The following NTN4 variants were observed in gnomAD, a reference collection of about 807,000 sequenced individuals.
NTN4 encodes netrin-4.
NTN4 carries 32 observed loss-of-function variants against 73.6 expected under a neutral mutation model. That is an observed-to-expected ratio of 0.44 (90% confidence interval 0.33 to 0.58). The LOEUF (loss-of-function observed/expected upper bound fraction) is 0.58, where lower values mean the gene tolerates loss of function less well. Among genes scored for constraint, NTN4 ranks in the 20% least tolerant of loss-of-function variants. NTN4 has a pLI of 0.04. For missense variants in NTN4, 654 were observed against 798.3 expected (o/e 0.82, Z 2.18); for synonymous variants, 258 against 287.5 (o/e 0.90, Z 1.04).
chr12:95,660,227 C>T (rs368700599), intron 9 of NTN4, among the ~76,000 whole-genome samples: 1 of 152,122 alleles, frequency 6.6e-6, no homozygotes, highest in East Asian at 1.9e-4. Flanking sequence ...GTTGGCCAGG[C>T]TGGTCTCGAA....
intron 2 of NTN4, among the ~76,000 whole-genome samples, chr12:95,743,534 C>T (rs756606443): frequency 2.2e-4 from 33 of 152,202 alleles, no homozygotes; most frequent in African/African-American, 4.3e-4. Flanking sequence ...AAGTTTGATA[C>T]GCTGTGTTTT....
intron 2 of NTN4, among the ~76,000 whole-genome samples, chr12:95,748,403 A>C (rs2078877959): frequency 1.3e-5 from 2 of 151,802 alleles, no homozygotes; most frequent in South Asian, 4.1e-4. Context: ...TTAGGGAGAA[A>C]TCCCTGGAAC....
rs369127250 is a variant in NTN4 at position 95,752,594 on chromosome 12, C to T, written c.586-14450G>A. Among the ~76,000 whole-genome samples, 9 of 152,176 alleles carry T rather than the reference C, an allele frequency of 5.9e-5. No homozygotes were observed. The East Asian group carries it at 1.2e-3, about 20-fold the overall frequency. On this transcript the variant is annotated intron_variant, in intron 2 of 9. Coordinates refer to ENST00000343702, the MANE Select transcript of NTN4 (RefSeq NM_021229.4). ...TTTCTTCCTCATCTGTTACCTATCT[C>T]GGCATAATTCTCATAAAAACACACG...
At chr12:95,729,787 T>C (rs942818606) in intron 3 of NTN4, among the ~76,000 whole-genome samples, 15 of 152,182 alleles carry the variant, frequency 9.9e-5, no homozygotes, top group Non-Finnish European at 4.4e-5. Context: ...AATTGAAGTA[T>C]GCTTCCAGCT....
At chr12:95,729,085 C>T (rs949382478) in intron 3 of NTN4, among the ~76,000 whole-genome samples, 1 of 152,088 alleles carries the variant, frequency 6.6e-6, no homozygotes, top group Admixed American at 6.6e-5. Flanking sequence ...TTATAAGTTA[C>T]CCAGTCTCAG....
At chr12:95,764,252 C>A (rs2079006178) in intron 2 of NTN4, among the ~76,000 whole-genome samples, 1 of 152,114 alleles carries the variant, frequency 6.6e-6, no homozygotes, top group South Asian at 2.1e-4. Flanking sequence ...ATTAAAATGG[C>A]CTTTGTGGAT....
At chr12:95,735,928 TA>T (rs1387024590) in intron 3 of NTN4, among the ~76,000 whole-genome samples, 2 of 145,072 alleles carry the variant, frequency 1.4e-5, no homozygotes, top group African/African-American at 2.6e-5. Flanking sequence ...TTTATTTATT[TA>T]TTTATTTATT....
intron 2 of NTN4, among the ~76,000 whole-genome samples, chr12:95,742,859 T>C (rs1169884902): frequency 1.3e-5 from 2 of 152,224 alleles, no homozygotes; most frequent in African/African-American, 4.8e-5. Flanking sequence ...GAATCAACTA[T>C]TTCTCCAAGT....
intron 5 of NTN4, among the ~76,000 whole-genome samples, chr12:95,691,439 A>T (rs765871688): frequency 1.3e-5 from 2 of 152,242 alleles, no homozygotes; most frequent in Non-Finnish European, 2.9e-5. Flanking sequence ...TCTGTTGCTC[A>T]GGCTAGAGTG....
At chr12:95,766,433 C>T (rs10859939) in intron 2 of NTN4, among the ~76,000 whole-genome samples, 83,897 of 152,128 alleles carry the variant, frequency 0.55, 23,357 homozygotes, top group Middle Eastern at 0.61. Flanking sequence ...TCAGCCTTTG[C>T]GGAAACATTT....
rs180702233 is a variant in NTN4 at position 95,790,639 on chromosome 12, C to T, written c.-330G>A. ...TCTGCCGCTAGCCCGGGGCTCGGCGCCCGCAGCCGCCGCTGAACTTTGCGA... is the reference window on the plus strand; with the variant it reads ...TCTGCCGCTAGCCCGGGGCTCGGCGTCCGCAGCCGCCGCTGAACTTTGCGA... On this transcript the variant is annotated 5_prime_UTR_variant, in exon 1 of 10. Coordinates refer to ENST00000343702, the MANE Select transcript of NTN4 (RefSeq NM_021229.4). The surrounding 1 kb of genome is among the most constrained non-coding windows in gnomAD (Gnocchi z 6.5). The T allele has an allele frequency of 0.054, 10,354 of 192,322 alleles. 757 individuals carry two copies. The highest frequency in any genetic ancestry group is 0.17 in the East Asian group (1,349 of 7,900). 11.9% of individuals were successfully genotyped at this position (192,322 alleles called of 1,614,324 possible).
intron 2 of NTN4, among the ~76,000 whole-genome samples, chr12:95,755,781 GT>G (rs1482984329): frequency 1.3e-5 from 2 of 152,194 alleles, no homozygotes; most frequent in Non-Finnish European, 2.9e-5. Context: ...CAGTTTTAAA[GT>G]GATGCAAAGG....
chr12:95,661,876 A>G (rs892621307), intron 9 of NTN4, among the ~76,000 whole-genome samples: 3 of 152,134 alleles, frequency 2.0e-5, no homozygotes, highest in Admixed American at 6.6e-5. Context: ...GAAAAACTAG[A>G]TATAACGTGT....
chr12:95,758,983 T>A (rs1042891811), intron 2 of NTN4, among the ~76,000 whole-genome samples: 1 of 152,262 alleles, frequency 6.6e-6, no homozygotes, highest in Non-Finnish European at 1.5e-5. Context: ...AGAAGTTGTA[T>A]AGATTTCAGC....
chr12:95,765,566 C>T (rs1242477688), intron 2 of NTN4, among the ~76,000 whole-genome samples: 1 of 152,126 alleles, frequency 6.6e-6, no homozygotes. Flanking sequence ...TGTATTTGTA[C>T]GTTAGTTGTC....
rs1460848065 is a variant in NTN4, at chr12:95,770,988, A to ATTTTTTTTTTTTTTTTTT, written c.585+15950_585+15951insAAAAAAAAAAAAAAAAAA. Among the ~76,000 whole-genome samples the ATTTTTTTTTTTTTTTTTT allele has an allele frequency of 1.3e-3, 78 of 58,038 alleles. 8 individuals are homozygous for ATTTTTTTTTTTTTTTTTT. Among genetic ancestry groups the ATTTTTTTTTTTTTTTTTT allele is most frequent in the African/African-American group, 3.2e-3 (72 of 22,826 alleles). 38.1% of individuals were successfully genotyped at this position (58,038 alleles called of 152,430 possible). A position where few individuals can be genotyped will look rare whatever the true frequency, so the allele number is the denominator to read the frequency against. On this transcript the variant is annotated intron_variant, in intron 2 of 9. Coordinates refer to ENST00000343702, the MANE Select transcript of NTN4 (RefSeq NM_021229.4). ...GCAAGATGAACCATCCAGGAAAAGA[A>ATTTTTTTTTTTTTTTTTT]TTTGTTTTTTTTTTTTTTTGAGACA...
At chr12:95,691,506 A>C (rs1000429920) in intron 5 of NTN4, among the ~76,000 whole-genome samples, 1 of 152,038 alleles carries the variant, frequency 6.6e-6, no homozygotes, top group African/African-American at 2.4e-5. Context: ...AGCTATTCTC[A>C]TGCCTCAGCC....
At chr12:95,788,474 T>C (rs1425604381) in intron 1 of NTN4, among the ~76,000 whole-genome samples, 1 of 152,212 alleles carries the variant, frequency 6.6e-6, no homozygotes. Context: ...GTCATTTTAA[T>C]TGTGAATACC....
At chr12:95,711,754 C>G (rs969434740) in intron 4 of NTN4, among the ~76,000 whole-genome samples, 1 of 152,054 alleles carries the variant, frequency 6.6e-6, no homozygotes, top group Non-Finnish European at 1.5e-5. Flanking sequence ...GTGTTCTATA[C>G]GTATTTAGAT....
Sources: allele counts gnomAD v4.1 joint callset (sites outside exome capture counted in the v4.1 genomes callset), GRCh38; gene constraint gnomAD v4.1.1; non-coding constraint Gnocchi (gnomAD v3.1); transcripts MANE v1.5; gene names NCBI Gene and HGNC (gene_info 2026-07-23, HGNC 2026-07-21).